The following SLC35F1 variants were observed in gnomAD, a reference collection of about 807,000 sequenced individuals.
SLC35F1 encodes the protein solute carrier family 35 member F1, also known as chromosome 6 open reading frame 169.
Under a neutral mutation model 48.7 loss-of-function variants are expected in SLC35F1, and 14 were observed. The ratio of observed to expected loss-of-function variants is 0.29; its 90% CI spans 0.19 to 0.45. The LOEUF is 0.45. Among genes scored for constraint, SLC35F1 ranks in the 20% least tolerant of loss-of-function variants. The probability of loss-of-function intolerance (pLI) is 1.00; values close to 1 mark genes in which losing one functional copy is unlikely to be tolerated. For synonymous variants in SLC35F1, 190 were observed against 202.2 expected (o/e 0.94, Z 0.51); for missense variants, 404 against 500.0 (o/e 0.81, Z 1.83).
At chr6:118,022,746 A>AT (rs1331283044) in intron 1 of SLC35F1, among the ~76,000 whole-genome samples, 2 of 143,294 alleles carry the variant, frequency 1.4e-5, no homozygotes, top group Non-Finnish European at 3.0e-5. Context: ...AAGCTTGGAC[A>AT]ATTTTTTTTT....
chr6:118,214,283 T>C (rs1055754631), intron 2 of SLC35F1, among the ~76,000 whole-genome samples: 7 of 152,202 alleles, frequency 4.6e-5, no homozygotes, highest in African/African-American at 9.7e-5. Flanking sequence ...TGCCTCATTG[T>C]GGTGATATTT....
At chr6:117,987,127 G>T (rs924551253) in intron 1 of SLC35F1, among the ~76,000 whole-genome samples, 2 of 152,104 alleles carry the variant, frequency 1.3e-5, no homozygotes, top group African/African-American at 4.8e-5. Flanking sequence ...TGTCCTGCAG[G>T]ACCACCTTTG....
intron 1 of SLC35F1, among the ~76,000 whole-genome samples, chr6:117,945,249 C>T (rs1473011585): frequency 6.6e-6 from 1 of 152,184 alleles, no homozygotes; most frequent in Non-Finnish European, 1.5e-5. Context: ...TTGAGTTGCA[C>T]TACTGACTCT....
At chr6:117,918,471 A>C (rs773236326) in intron 1 of SLC35F1, among the ~76,000 whole-genome samples, 3 of 152,150 alleles carry the variant, frequency 2.0e-5, no homozygotes, top group Non-Finnish European at 4.4e-5. Context: ...CGTGGTGGGA[A>C]TCATAGGCAG....
chr6:118,000,590 T>A (rs757265848), intron 1 of SLC35F1, among the ~76,000 whole-genome samples: 31 of 152,198 alleles, frequency 2.0e-4, no homozygotes, highest in Non-Finnish European at 3.4e-4. Flanking sequence ...TGTTGGAAGT[T>A]CTGTCCAGGG....
At chr6:118,260,390 A>G (rs1775697811) in intron 3 of SLC35F1, among the ~76,000 whole-genome samples, 1 of 152,168 alleles carries the variant, frequency 6.6e-6, no homozygotes, top group Admixed American at 6.5e-5. Context: ...TTATATCTCA[A>G]CAATGTTAAG....
chr6:117,922,933 C>T lies in SLC35F1; in HGVS notation c.173+15034C>T, dbSNP rs145964047. Among the ~76,000 whole-genome samples the T allele has an allele frequency of 3.8e-3, 575 of 152,196 alleles. 3 individuals carry two copies. Among genetic ancestry groups the T allele is most frequent in the African/African-American group, 0.013 (553 of 41,508 alleles). On this transcript the variant is annotated intron_variant, in intron 1 of 7. Coordinates refer to ENST00000360388, the MANE Select transcript of SLC35F1 (RefSeq NM_001029858.4). ...GAGAGTTGGAAGCATTTTGGGCTAG[C>T]GGAGAACACATAAGCATGGAGAGCT...
At chr6:118,129,885 T>G (rs1270834886) in intron 1 of SLC35F1, among the ~76,000 whole-genome samples, 1 of 152,156 alleles carries the variant, frequency 6.6e-6, no homozygotes, top group African/African-American at 2.4e-5. Flanking sequence ...CCATATGATA[T>G]TTTAGGAATT....
At chr6:117,995,115 TA>T (rs2114861052) in intron 1 of SLC35F1, among the ~76,000 whole-genome samples, 1 of 152,338 alleles carries the variant, frequency 6.6e-6, no homozygotes, top group Non-Finnish European at 1.5e-5. Flanking sequence ...ACTACTAGAA[TA>T]ATAACAGAGT....
intron 1 of SLC35F1, among the ~76,000 whole-genome samples, chr6:118,096,600 CA>C (rs1773180045): frequency 6.6e-6 from 1 of 152,086 alleles, no homozygotes; most frequent in Non-Finnish European, 1.5e-5. Context: ...CATTATTTTT[CA>C]AAAGCCCAAG....
chr6:117,962,941 C>A (rs1776517241), intron 1 of SLC35F1, among the ~76,000 whole-genome samples: 1 of 152,130 alleles, frequency 6.6e-6, no homozygotes, highest in Non-Finnish European at 1.5e-5. Flanking sequence ...GAGCCTCATT[C>A]CATCACTTCC....
At chr6:117,923,710 C>CATATGTACACATATGT (rs1562238868) in intron 1 of SLC35F1, among the ~76,000 whole-genome samples, 1 of 22,562 alleles carries the variant, frequency 4.4e-5, no homozygotes, top group Non-Finnish European at 7.4e-5. Context: ...CATATATGTA[C>CATATGTACACATATGT]ATATATACAT....
At chr6:118,089,232 G>T (rs1773037303) in intron 1 of SLC35F1, among the ~76,000 whole-genome samples, 1 of 152,116 alleles carries the variant, frequency 6.6e-6, no homozygotes, top group Admixed American at 6.5e-5. Context: ...ATGAGGGCCA[G>T]AATGGTGAGG....
At chr6:118,106,609 C>A (rs887944717) in intron 1 of SLC35F1, among the ~76,000 whole-genome samples, 3 of 152,174 alleles carry the variant, frequency 2.0e-5, no homozygotes, top group African/African-American at 7.2e-5. Flanking sequence ...TTCTTTTGAT[C>A]TCTTATAATC....
intron 1 of SLC35F1, among the ~76,000 whole-genome samples, chr6:118,009,289 T>C (rs1390336598): frequency 6.6e-6 from 1 of 152,094 alleles, no homozygotes; most frequent in Admixed American, 6.6e-5. Context: ...GTGGTACTCT[T>C]TAATTTTCCA....
intron 1 of SLC35F1, among the ~76,000 whole-genome samples, chr6:118,115,007 G>A (rs2114390385): frequency 6.6e-6 from 1 of 152,260 alleles, no homozygotes; most frequent in Non-Finnish European, 1.5e-5. Context: ...AGGATTATGT[G>A]TTTGTGCAAT....
intron 1 of SLC35F1, among the ~76,000 whole-genome samples, chr6:118,133,394 A>G (rs998361597): frequency 3.3e-5 from 5 of 152,214 alleles, no homozygotes. Context: ...CTGGAAAAAA[A>G]AGTCCTTTCT....
intron 7 of SLC35F1, among the ~76,000 whole-genome samples, chr6:118,303,966 A>T (rs370842463): frequency 1.3e-5 from 2 of 152,222 alleles, no homozygotes; most frequent in African/African-American, 4.8e-5. Flanking sequence ...ATCTCAAGAT[A>T]CTCAATTTAA....
intron 7 of SLC35F1, among the ~76,000 whole-genome samples, chr6:118,293,572 G>A (rs1056528659): frequency 1.3e-5 from 2 of 152,128 alleles, no homozygotes; most frequent in Admixed American, 1.3e-4. Context: ...ATTAGGGTGT[G>A]AATATCTTTG....
Sources: gnomAD v4.1 joint callset for allele counts (sites outside exome capture counted in the v4.1 genomes callset) on GRCh38, gnomAD v4.1.1 for gene constraint, MANE v1.5 for transcripts, NCBI Gene and HGNC (gene_info 2026-07-23, HGNC 2026-07-21) for gene names.